The following TRIM5 variants were observed in gnomAD, a reference collection of about 807,000 sequenced individuals.
TRIM5 encodes tripartite motif containing 5.
In TRIM5, 31 loss-of-function variants were observed where a neutral mutation model predicts 35.6. That is an observed-to-expected ratio of 0.87 (90% CI 0.65 to 1.18). The LOEUF (loss-of-function observed/expected upper bound fraction) is 1.18, where lower values mean the gene tolerates loss of function less well. Ranked by LOEUF, TRIM5 falls within the 50% of genes most tolerant of loss-of-function variation. The pLI is 0.00. For missense variants in TRIM5, 609 were observed against 591.6 expected (o/e 1.03, Z -0.31); for synonymous variants, 243 against 215.6 (o/e 1.13, Z -1.11).
At chr11:5,619,779 T>C in the TRIM5 span, 1 of 128,212 alleles carries the variant, frequency 7.8e-6, no homozygotes, top group Non-Finnish European at 1.6e-5. Context: ...CTCGGCTCAC[T>C]GCAACCTCTG....
chr11:5,599,344 T>C, the TRIM5 span, among the ~76,000 whole-genome samples: 1 of 152,084 alleles, frequency 6.6e-6, no homozygotes, highest in Non-Finnish European at 1.5e-5. Context: ...TGAATTGGAA[T>C]TGGACTTTCA....
At chr11:5,672,547 A>T (rs1186546919) in intron 4 of TRIM5, among the ~76,000 whole-genome samples, 1 of 152,194 alleles carries the variant, frequency 6.6e-6, no homozygotes, top group Non-Finnish European at 1.5e-5. Context: ...AATAGTTTTT[A>T]AAATTTCTTC....
chr11:5,653,305 G>T, the TRIM5 span, among the ~76,000 whole-genome samples: 1 of 152,074 alleles, frequency 6.6e-6, no homozygotes, highest in African/African-American at 2.4e-5. Context: ...CCTTGAAGAA[G>T]ACTTTTTGGG....
At chr11:5,669,556 C>T (rs1048339621) in intron 4 of TRIM5, among the ~76,000 whole-genome samples, 4 of 152,126 alleles carry the variant, frequency 2.6e-5, no homozygotes, top group African/African-American at 9.7e-5. Context: ...CACATACAAT[C>T]AAATAGTTTT....
At chr11:5,632,335 G>C in the TRIM5 span, 1 of 1,614,072 alleles carries the variant, frequency 6.2e-7, no homozygotes, top group Non-Finnish European at 8.5e-7. Context: ...CAGTGCAATG[G>C]CTTCAAAAAT....
chr11:5,664,057 C>T lies in TRIM5; in HGVS notation c.*752G>A, dbSNP rs1263155349. The T allele has an allele frequency of 5.5e-6, 1 of 181,696 alleles. No individual in the cohort carries two copies. The highest frequency in any genetic ancestry group is 2.4e-5 in the African/African-American group (1 of 41,918). 11.3% of individuals were successfully genotyped at this position (181,696 alleles called of 1,614,324 possible). On this transcript the variant is annotated 3_prime_UTR_variant, in exon 8 of 8. Transcript: ENST00000380034. ...TCTCTACTGAAAATACAAATTTAGC[C>T]AGGGGTGGTGGTGGGCACCTGTAAT...
At chr11:5,654,982 G>A in the TRIM5 span, among the ~76,000 whole-genome samples, 1 of 152,094 alleles carries the variant, frequency 6.6e-6, no homozygotes, top group South Asian at 2.1e-4. Context: ...CCTGAGGTCA[G>A]GAGTTCAAGA....
chr11:5,589,672 G>A, the TRIM5 span: 1 of 152,170 alleles, frequency 6.6e-6, no homozygotes, highest in Admixed American at 6.6e-5. Context: ...AGACAAATTA[G>A]TGGACTATAG....
rs779159983 is a variant in TRIM5, at chr11:5,680,247, T to C, written c.-61-9A>G. The C allele has an allele frequency of 2.3e-5, 33 of 1,456,304 alleles. No individual in the cohort carries two copies. The highest frequency in any genetic ancestry group is 6.9e-5 in the East Asian group (3 of 43,538). 90.2% of individuals were successfully genotyped at this position (1,456,304 alleles called of 1,614,324 possible). ...CTCTTGTTCACAGATCCCTGCATGA[T>C]TGGGAAGGTTAAAATGGGACCAAGT... On this transcript the variant is annotated splice_polypyrimidine_tract_variant and intron_variant, in intron 1 of 7. Transcript: ENST00000380034.
At chr11:5,639,624 G>A in the TRIM5 span, among the ~76,000 whole-genome samples, 2 of 135,162 alleles carry the variant, frequency 1.5e-5, no homozygotes, top group African/African-American at 2.7e-5. Flanking sequence ...AGGTTGCAGC[G>A]AGCCAAGTTC....
chr11:5,602,033 A>G, the TRIM5 span, among the ~76,000 whole-genome samples: 2 of 152,174 alleles, frequency 1.3e-5, no homozygotes, highest in Non-Finnish European at 2.9e-5. Context: ...CCTATATGTC[A>G]GGCTCTATGC....
At chr11:5,593,416 A>C in the TRIM5 span, among the ~76,000 whole-genome samples, 17 of 152,182 alleles carry the variant, frequency 1.1e-4, no homozygotes, top group Admixed American at 1.1e-3. Context: ...AAAATATACT[A>C]GAGATTTTTT....
At position 5,665,320 on chromosome 11, in the gene TRIM5, T is replaced by A; in HGVS notation, c.971A>T (p.Lys324Ile). Residue 324 changes from lysine to isoleucine, a missense_variant, in exon 8 of 8, where the codon AAA (lysine) becomes ATA (isoleucine). Transcript: ENST00000380034. ...SEDKRQVSSP[K>I]PQIIYGARGT... ...TCGTGCCCCATATATTATCTGTGGT[T>A]TCGGAGAGCTCACTTGTCTCTTATC... 1 of 1,614,120 alleles carries A rather than the reference T, an allele frequency of 6.2e-7. No homozygotes were observed. Among genetic ancestry groups the A allele is most frequent in the Middle Eastern group, 1.6e-4 (1 of 6,062 alleles).
In TRIM5 at chr11:5,665,274, A is replaced by C. The variant is rs1334332133; in HGVS notation, c.1017T>G (p.Phe339Leu). 1 of 1,614,156 alleles carries C rather than the reference A, an allele frequency of 6.2e-7. No individual in the cohort carries two copies. Among genetic ancestry groups the C allele is most frequent in the South Asian group, 1.1e-5 (1 of 91,082 alleles). ...YGARGTRYQTFVNFNYCTGIL... is the reference protein window; with the variant it reads ...YGARGTRYQTLVNFNYCTGIL... ...TGCCAGTACAATAATTGAAATTCAC[A>C]AATGTCTGGTATCTTGTCCCTCGTG... Residue 339 changes from phenylalanine to leucine, a missense_variant, in exon 8 of 8, where the codon TTT becomes TTG. Physicochemically the swap from Phe to Leu is conservative, Grantham distance 22. Coordinates refer to ENST00000380034, the MANE Select transcript of TRIM5 (RefSeq NM_033034.3).
chr11:5,615,567 CTTG>C, the TRIM5 span, among the ~76,000 whole-genome samples: 5 of 134,974 alleles, frequency 3.7e-5, no homozygotes, highest in Admixed American at 7.8e-5. Flanking sequence ...CTCCAGCTTT[CTTG>C]TTTTTTGTTT....
the TRIM5 span, among the ~76,000 whole-genome samples, chr11:5,622,185 C>A: frequency 6.6e-6 from 1 of 152,152 alleles, no homozygotes; most frequent in East Asian, 1.9e-4. Context: ...GTGGCTCACA[C>A]CTGTAATCCC....
the TRIM5 span, among the ~76,000 whole-genome samples, chr11:5,646,701 T>C: frequency 6.6e-6 from 1 of 152,196 alleles, no homozygotes; most frequent in Non-Finnish European, 1.5e-5. Context: ...ACTGATTTCC[T>C]ATCATTTCAC....
At chr11:5,668,057 T>A (rs1304880110) in intron 4 of TRIM5, among the ~76,000 whole-genome samples, 1 of 152,154 alleles carries the variant, frequency 6.6e-6, no homozygotes, top group African/African-American at 2.4e-5. Flanking sequence ...CTTTGATTTA[T>A]TAAACAGATG....
At chr11:5,658,891 C>T (rs1850719181), downstream of TRIM5, among the ~76,000 whole-genome samples, 1 of 152,122 alleles carries the variant, frequency 6.6e-6, no homozygotes, top group Non-Finnish European at 1.5e-5. Flanking sequence ...TCTCAGCAAA[C>T]TATCACAAGG....
Sources: gnomAD v4.1 joint callset for allele counts (sites outside exome capture counted in the v4.1 genomes callset) on GRCh38, gnomAD v4.1.1 for gene constraint, MANE v1.5 for transcripts, NCBI Gene and HGNC (gene_info 2026-07-23, HGNC 2026-07-21) for gene names.